The following PCMTD1 variants were observed in gnomAD, a reference collection of about 807,000 sequenced individuals.
The protein encoded by PCMTD1 is protein-L-isoaspartate (D-aspartate) O-methyltransferase domain containing 1.
Under a neutral mutation model 37.6 loss-of-function variants are expected in PCMTD1, and 12 were observed. The observed-to-expected ratio is 0.32, with a 90% CI of 0.20 to 0.52. The LOEUF (loss-of-function observed/expected upper bound fraction) is 0.52. Among genes scored for constraint, PCMTD1 ranks in the 20% least tolerant of loss-of-function variants. The pLI is 0.97. For missense variants in PCMTD1, 235 were observed against 421.3 expected (o/e 0.56, Z 3.87); for synonymous variants, 117 against 135.8 (o/e 0.86, Z 0.96).
intron 1 of PCMTD1, among the ~76,000 whole-genome samples, chr8:51,865,281 C>A (rs1368814580): frequency 6.6e-6 from 1 of 152,030 alleles, no homozygotes; most frequent in Non-Finnish European, 1.5e-5. Context: ...CTTCTCAAAT[C>A]CTTCCAAAAA....
chr8:51,843,487 A>C (rs1231921080), intron 3 of PCMTD1, among the ~76,000 whole-genome samples: 1 of 152,124 alleles, frequency 6.6e-6, no homozygotes, highest in African/African-American at 2.4e-5. Flanking sequence ...TACCAGTCAT[A>C]TCACTGTATT....
chr8:51,837,778 TA>T (rs1405059774), intron 3 of PCMTD1, among the ~76,000 whole-genome samples: 1 of 152,138 alleles, frequency 6.6e-6, no homozygotes, highest in Non-Finnish European at 1.5e-5. Flanking sequence ...CTTATCTATC[TA>T]TTTATTTATT....
Position 51,818,725 on chromosome 8 carries a change from A to G in PCMTD1, c.*1626T>C, listed in dbSNP as rs1182483135. The stretch of plus-strand genomic sequence containing the variant: ...TACCTTCCATGAAACTGTCTTTCAC[A>G]TAACTAAAATATCCTCACTTACTTG... On this transcript the variant is annotated 3_prime_UTR_variant, in exon 6 of 6. Transcript: ENST00000522514. 1 of 152,332 alleles carries G rather than the reference A, an allele frequency of 6.6e-6. No individual in the cohort carries two copies. Among genetic ancestry groups the G allele is most frequent in the Non-Finnish European group, 1.5e-5 (1 of 68,070 alleles). 9.4% of individuals were successfully genotyped at this position (152,332 alleles called of 1,614,324 possible).
In PCMTD1 at chr8:51,820,252, C is replaced by T; in HGVS notation, c.*99G>A. 8.8e-7 allele frequency: 1 copy of T among 1,137,510 alleles called. No individual in the cohort carries two copies. Among genetic ancestry groups the T allele is most frequent in the Non-Finnish European group, 1.2e-6 (1 of 857,446 alleles). The allele number at this position is 1,137,510 out of a possible 1,614,324, so 70.5% of individuals were successfully genotyped here. A position where few individuals can be genotyped will look rare whatever the true frequency, so the allele number is the denominator to read the frequency against. On this transcript the variant is annotated 3_prime_UTR_variant, in exon 6 of 6. Coordinates refer to ENST00000522514, the MANE Select transcript of PCMTD1 (RefSeq NM_052937.4). ...GTGATTTTTTTTCCACTATAATTTG[C>T]TCTGATGAAAGAAATAATTCTCTCT...
intron 1 of PCMTD1, among the ~76,000 whole-genome samples, chr8:51,888,577 A>G (rs2038895558): frequency 6.6e-6 from 1 of 152,194 alleles, no homozygotes; most frequent in Admixed American, 6.5e-5. Context: ...TATATGCATG[A>G]AAGTCTGAAC....
intron 2 of PCMTD1, among the ~76,000 whole-genome samples, chr8:51,857,638 G>C (rs2038411038): frequency 6.6e-6 from 1 of 152,154 alleles, no homozygotes; most frequent in Non-Finnish European, 1.5e-5. Context: ...CTAAGTACTA[G>C]ATCTTTACGA....
intron 3 of PCMTD1, chr8:51,839,412 T>C (rs921903681): frequency 2.0e-6 from 2 of 978,474 alleles, no homozygotes; most frequent in African/African-American, 3.5e-5. Context: ...ACATGAAGAC[T>C]TGCCCAAAAT....
At chr8:51,874,960 G>A (rs2038691158) in intron 1 of PCMTD1, among the ~76,000 whole-genome samples, 2 of 152,158 alleles carry the variant, frequency 1.3e-5, no homozygotes, top group South Asian at 2.1e-4. Context: ...TTAAGAAATT[G>A]AGCCTCAGCA....
At chr8:51,898,824 C>A (rs1173799506) in intron 1 of PCMTD1, 106 bp downstream of exon 1, 1 of 1,104,172 alleles carries the variant, frequency 9.1e-7, no homozygotes, top group South Asian at 4.3e-5. Context: ...CGGCTGCCGT[C>A]CCCCTGGCCC....
chr8:51,836,864 G>A (rs913110135), intron 3 of PCMTD1, among the ~76,000 whole-genome samples: 4 of 152,112 alleles, frequency 2.6e-5, no homozygotes, highest in Non-Finnish European at 5.9e-5. Context: ...ATGAGCCACT[G>A]TGACCAGCCA....
chr8:51,866,431 C>T lies in PCMTD1; in HGVS notation c.-95-5185G>A, dbSNP rs573919356. The stretch of plus-strand genomic sequence containing the variant: ...CATGGTACTGACATAAAAACAGACA[C>T]AATGACCAATCAAAGTAGATGGAGA... On this transcript the variant is annotated intron_variant, in intron 1 of 5. Transcript: ENST00000522514. Among the ~76,000 whole-genome samples, 24 of 152,022 alleles carry T rather than the reference C, an allele frequency of 1.6e-4. No individual in the cohort carries two copies. The East Asian group carries it at 4.4e-3, about 28-fold the overall frequency.
At chr8:51,858,279 TTAC>T (rs1458423618) in intron 2 of PCMTD1, among the ~76,000 whole-genome samples, 3 of 150,562 alleles carry the variant, frequency 2.0e-5, no homozygotes, top group African/African-American at 7.3e-5. Flanking sequence ...CCCCCAGAGT[TTAC>T]TACTAAATAT....
At chr8:51,878,256 T>TTTG (rs1407072013) in intron 1 of PCMTD1, among the ~76,000 whole-genome samples, 12 of 149,846 alleles carry the variant, frequency 8.0e-5, no homozygotes, top group South Asian at 4.3e-4. Flanking sequence ...TTTGGTTTTT[T>TTTG]TTTTTTTTTA....
chr8:51,845,726 T>C lies in PCMTD1; in HGVS notation c.345A>G (p.Ser115=), dbSNP rs1445885066. The C allele has an allele frequency of 1.9e-6, 3 of 1,613,122 alleles. No individual in the cohort carries two copies. Among genetic ancestry groups the C allele is most frequent in the South Asian group, 1.1e-5 (1 of 91,060 alleles). The change falls in exon 3 of 6, where the codon TCA becomes TCG. Residue 115 remains serine (S), a synonymous_variant. Coordinates refer to ENST00000522514, the MANE Select transcript of PCMTD1 (RefSeq NM_052937.4). ...TTTCCTTGGCATATTCCACCACATC[T>C]GAATGAAGCTCAATCCCATGATTTA... ...FGINHGIELH[S]DVVEYAKEKL...
At chr8:51,833,427 T>C in intron 4 of PCMTD1, 91 bp downstream of exon 4, 1 of 1,033,334 alleles carries the variant, frequency 9.7e-7, no homozygotes, top group Non-Finnish European at 1.4e-6. Flanking sequence ...CTTTAAAAGT[T>C]ACAATATACC....
intron 2 of PCMTD1, among the ~76,000 whole-genome samples, chr8:51,850,817 GATAAA>G (rs1469826566): frequency 1.3e-5 from 2 of 152,110 alleles, no homozygotes; most frequent in African/African-American, 2.4e-5. Context: ...ATTTTAGTTA[GATAAA>G]ATAAGGTATC....
chr8:51,818,003 C>T lies in PCMTD1; in HGVS notation c.*2348G>A, dbSNP rs893740177. On this transcript the variant is annotated 3_prime_UTR_variant, in exon 6 of 6. Transcript: ENST00000522514. Reference sequence around the variant, plus strand: ...AAAATTCCAATACTATATTCCCCATCATTTTCACTTACTTTTACTTAATCT... The same window carrying T: ...AAAATTCCAATACTATATTCCCCATTATTTTCACTTACTTTTACTTAATCT... 57 of 453,034 alleles carry T rather than the reference C, an allele frequency of 1.3e-4. No homozygotes were observed. The highest frequency in any genetic ancestry group is 8.3e-4 in the South Asian group (53 of 63,972). 28.1% of individuals were successfully genotyped at this position (453,034 alleles called of 1,614,324 possible).
At position 51,830,684 on chromosome 8, in the gene PCMTD1, G is replaced by C. The variant is rs2129275447; in HGVS notation, c.706+760C>G. On this transcript the variant is annotated intron_variant, in intron 5 of 5. Transcript: ENST00000522514. ...CCACTCTGGACCTTATGCCTGATCT[G>C]GGAATGACCAAAGTTCTCTTCAGCC... Among the ~76,000 whole-genome samples the C allele has an allele frequency of 1.3e-5, 2 of 152,232 alleles. 1 individual carries two copies. Among genetic ancestry groups the C allele is most frequent in the South Asian group, 4.1e-4 (2 of 4,826 alleles).
intron 5 of PCMTD1, among the ~76,000 whole-genome samples, chr8:51,821,352 A>G (rs2129272086): frequency 6.6e-6 from 1 of 152,296 alleles, no homozygotes; most frequent in Non-Finnish European, 1.5e-5. Context: ...TTGCCTAGGC[A>G]GGTCTCTTTA....
Sources: gnomAD v4.1 joint callset for allele counts (sites outside exome capture counted in the v4.1 genomes callset) on GRCh38, gnomAD v4.1.1 for gene constraint, MANE v1.5 for transcripts, NCBI Gene and HGNC (gene_info 2026-07-23, HGNC 2026-07-21) for gene names.